PBX2: variants seen among roughly 807,000 people sequenced by gnomAD.
The protein encoded by PBX2 is PBX homeobox 2, also known as pre-B-cell leukemia transcription factor 2.
Under a neutral mutation model 46.5 loss-of-function variants are expected in PBX2, and 10 were observed. The observed-to-expected ratio is 0.21, with a 90% CI of 0.13 to 0.36. The LOEUF is 0.36. Ranked by LOEUF, PBX2 falls within the 10% of genes least tolerant of loss-of-function variation. The pLI is 1.00. For synonymous variants in PBX2, 160 were observed against 222.5 expected (o/e 0.72, Z 2.50); for missense variants, 392 against 580.5 (o/e 0.68, Z 3.34).
chr6:32,189,034 G>A lies in PBX2; in HGVS notation c.222-238C>T, dbSNP rs1034918132. 28 of 551,938 alleles carry A rather than the reference G, an allele frequency of 5.1e-5. No individual in the cohort carries two copies. The South Asian group carries it at 5.5e-4, about 11-fold the overall frequency. The allele number at this position is 551,938 out of a possible 1,614,324, so 34.2% of individuals were successfully genotyped here. On this transcript the variant is annotated intron_variant, in intron 1 of 8. Transcript: ENST00000375050. The surrounding 1 kb of genome is among the most constrained non-coding windows in gnomAD (Gnocchi z 4.7). ...ATGCAGGCAGCAGGTTAAAGGCTGC[G>A]GGCTTTGGGAGATGGTCTAGAAAGG...
Position 32,188,846 on chromosome 6 carries a change from A to G in PBX2, c.222-50T>C. ...AGAGAAAAGTTGAGGAGCTAGAGAAACAGAGCAGGGGGCCTGAGAACAAGG... is the reference window on the plus strand; with the variant it reads ...AGAGAAAAGTTGAGGAGCTAGAGAAGCAGAGCAGGGGGCCTGAGAACAAGG... On this transcript the variant is annotated intron_variant, in intron 1 of 8. Coordinates refer to ENST00000375050, the MANE Select transcript of PBX2 (RefSeq NM_002586.5). The surrounding 1 kb of genome is among the most constrained non-coding windows in gnomAD (Gnocchi z 6.5). The G allele has an allele frequency of 6.5e-7, 1 of 1,532,238 alleles. No homozygotes were observed. The allele number at this position is 1,532,238 out of a possible 1,614,324, so 94.9% of individuals were successfully genotyped here. A position where few individuals can be genotyped will look rare whatever the true frequency, so the allele number is the denominator to read the frequency against.
rs114902592 is a variant in PBX2, at chr6:32,189,118, G to T, written c.222-322C>A. 3 of 471,620 alleles carry T rather than the reference G, an allele frequency of 6.4e-6. No individual in the cohort carries two copies. The highest frequency in any genetic ancestry group is 7.7e-6 in the Non-Finnish European group (2 of 259,462). The allele number at this position is 471,620 out of a possible 1,614,324, so 29.2% of individuals were successfully genotyped here. The stretch of plus-strand genomic sequence containing the variant: ...GAAAGTGACTTGGTAGGTTTCAGAG[G>T]GAGAGAGACAGAGGCTGGGGTTGAG... On this transcript the variant is annotated intron_variant, in intron 1 of 8. Transcript: ENST00000375050. This position sits in a 1 kb window ranked among gnomAD's most constrained non-coding sequence, Gnocchi z 4.7.
rs1199726780 is a variant in PBX2 at position 32,190,169 on chromosome 6, G to C, written c.-254C>G. The C allele has an allele frequency of 1.9e-5, 7 of 362,450 alleles. No individual in the cohort carries two copies. Among genetic ancestry groups the C allele is most frequent in the South Asian group, 1.4e-4 (2 of 14,774 alleles). The allele number at this position is 362,450 out of a possible 1,614,324, so 22.5% of individuals were successfully genotyped here. On this transcript the variant is annotated 5_prime_UTR_variant, in exon 1 of 9. Transcript: ENST00000375050. ...CGGAGAGAGAGAGGAGGCCCAAGCG[G>C]GGGTGTGTGTGAGAGAGAGGGAGGA...
At position 32,186,405 on chromosome 6, in the gene PBX2, C is replaced by T; in HGVS notation, c.1270G>A (p.Val424Ile). The T allele has an allele frequency of 1.9e-6, 3 of 1,609,120 alleles. No homozygotes were observed. In the South Asian group the frequency reaches 3.3e-5, roughly 18 times the overall value. The change falls in exon 9 of 9, where the codon GTT becomes ATT. Residue 424 changes from valine to isoleucine, a missense_variant. Physicochemically the swap from Val to Ile is conservative, Grantham distance 29 (BLOSUM62 3). This residue lies in a region of PBX2 where 116 missense variants were observed against 157.9 expected (regional missense o/e 0.73). Coordinates refer to ENST00000375050, the MANE Select transcript of PBX2 (RefSeq NM_002586.5). This position sits in a 1 kb window ranked among gnomAD's most constrained non-coding sequence, Gnocchi z 4.2. ...VTSPTEGPGS[V>I]HSDTSN ...GATCAGTTGGAGGTATCAGAGTGAA[C>T]ACTCCCTGGTCCCTCCGTTGGGGAT...
chr6:32,188,616 C>T lies in PBX2; in HGVS notation c.295+107G>A, dbSNP rs1787252913. On this transcript the variant is annotated intron_variant, in intron 2 of 8. Transcript: ENST00000375050. This position sits in a 1 kb window ranked among gnomAD's most constrained non-coding sequence, Gnocchi z 6.5. ...CCCAGGCTTTGGTTCCTTCCCCAGTCCCCCTGACTCCTTACTTTCCTCAGG... is the reference window on the plus strand; with the variant it reads ...CCCAGGCTTTGGTTCCTTCCCCAGTTCCCCTGACTCCTTACTTTCCTCAGG... 1 of 1,570,094 alleles carries T rather than the reference C, an allele frequency of 6.4e-7. No homozygotes were observed. Among genetic ancestry groups the T allele is most frequent in the Non-Finnish European group, 8.7e-7 (1 of 1,147,836 alleles).
At position 32,186,864 on chromosome 6, in the gene PBX2, G is replaced by A; in HGVS notation, c.1062C>T (p.Asp354=). ...GGSFNLSGSG[D]MFLGMPGLNG... is the part of the protein sequence containing the mutation. ...TGAGCCCAGGCATCCCCAGAAACAT[G>A]TCTCCAGATCCTGAGAGATTGAAAG... Residue 354 remains aspartate (D), a synonymous_variant, in exon 7 of 9, where the codon GAC becomes GAT. Coordinates refer to ENST00000375050, the MANE Select transcript of PBX2 (RefSeq NM_002586.5). The surrounding 1 kb of genome is among the most constrained non-coding windows in gnomAD (Gnocchi z 4.2). 1 of 1,614,108 alleles carries A rather than the reference G, an allele frequency of 6.2e-7. No homozygotes were observed.
chr6:32,190,119 C>G lies in PBX2; in HGVS notation c.-204G>C, dbSNP rs1306695287. On this transcript the variant is annotated 5_prime_UTR_variant, in exon 1 of 9. Transcript: ENST00000375050. ...CTGGGCCCCCCACAGGAGACCCCGG[C>G]CCCCGGCGGCGGAGAAAATGGAGCC... 1 of 414,144 alleles carries G rather than the reference C, an allele frequency of 2.4e-6. No individual in the cohort carries two copies. The highest frequency in any genetic ancestry group is 2.1e-5 in the African/African-American group (1 of 48,292). 25.7% of individuals were successfully genotyped at this position (414,144 alleles called of 1,614,324 possible). A position where few individuals can be genotyped will look rare whatever the true frequency, so the allele number is the denominator to read the frequency against.
chr6:32,188,682 T>A lies in PBX2; in HGVS notation c.295+41A>T. The A allele has an allele frequency of 6.3e-7, 1 of 1,598,674 alleles. No homozygotes were observed. Among genetic ancestry groups the A allele is most frequent in the Non-Finnish European group, 8.6e-7 (1 of 1,166,964 alleles). Reference sequence around the variant, plus strand: ...ACTCTAGCCCTATAATGAACAGGGTTCTGTTCCCAGAGTTGAGCAATCCGG... The same window carrying A: ...ACTCTAGCCCTATAATGAACAGGGTACTGTTCCCAGAGTTGAGCAATCCGG... On this transcript the variant is annotated intron_variant, in intron 2 of 8. Coordinates refer to ENST00000375050, the MANE Select transcript of PBX2 (RefSeq NM_002586.5). The surrounding 1 kb of genome is among the most constrained non-coding windows in gnomAD (Gnocchi z 6.5).
chr6:32,186,556 C>G lies in PBX2; in HGVS notation c.1200+48G>C. The G allele has an allele frequency of 6.4e-7, 1 of 1,573,196 alleles. No individual in the cohort carries two copies. The highest frequency in any genetic ancestry group is 8.8e-7 in the Non-Finnish European group (1 of 1,142,792). ...CACAACATTACTAGGGAAAATGCCC[C>G]TCTGTCCTGTGAGAACTGGACAGAG... On this transcript the variant is annotated intron_variant, in intron 8 of 8. Transcript: ENST00000375050. This position sits in a 1 kb window ranked among gnomAD's most constrained non-coding sequence, Gnocchi z 4.2.
At position 32,186,749 on chromosome 6, in the gene PBX2, G is replaced by A; in HGVS notation, c.1114-59C>T. 2 of 1,592,414 alleles carry A rather than the reference G, an allele frequency of 1.3e-6. No homozygotes were observed. Among genetic ancestry groups the A allele is most frequent in the Non-Finnish European group, 1.7e-6 (2 of 1,160,186 alleles). On this transcript the variant is annotated intron_variant, in intron 7 of 8. Coordinates refer to ENST00000375050, the MANE Select transcript of PBX2 (RefSeq NM_002586.5). This position sits in a 1 kb window ranked among gnomAD's most constrained non-coding sequence, Gnocchi z 4.2. ...AGAAGCCTCAGAGGAAAGAGGTCTT[G>A]TATCCTAAAGTAGAGGAAATGGAGT...
rs1378359406 is a variant in PBX2 at position 32,187,307 on chromosome 6, G to T, written c.959C>A (p.Thr320Asn). 2 of 1,613,102 alleles carry T rather than the reference G, an allele frequency of 1.2e-6. No individual in the cohort carries two copies. The highest frequency in any genetic ancestry group is 2.2e-5 in the South Asian group (2 of 91,088). ...QEEANIYAVK[T>N]AVSVTQGGHS... ...GCCCCCCTGGGTGACTGACACGGCG[G>T]TCTTGACAGCATAGATGTTTGCCTC... The change falls in exon 6 of 9, where the codon ACC becomes AAC. Residue 320 changes from threonine (T) to asparagine (N), a missense_variant. By Grantham distance (65) the Thr-to-Asn change is moderately conservative. This residue lies in a region of PBX2 where 116 missense variants were observed against 157.9 expected (regional missense o/e 0.73). Coordinates refer to ENST00000375050, the MANE Select transcript of PBX2 (RefSeq NM_002586.5). This position sits in a 1 kb window ranked among gnomAD's most constrained non-coding sequence, Gnocchi z 7.7.
Position 32,188,904 on chromosome 6 carries a change from C to G in PBX2, c.222-108G>C. The G allele has an allele frequency of 2.2e-6, 2 of 900,186 alleles. No homozygotes were observed. Among genetic ancestry groups the G allele is most frequent in the Admixed American group, 1.8e-5 (1 of 54,438 alleles). 55.8% of individuals were successfully genotyped at this position (900,186 alleles called of 1,614,324 possible). On this transcript the variant is annotated intron_variant, in intron 1 of 8. Coordinates refer to ENST00000375050, the MANE Select transcript of PBX2 (RefSeq NM_002586.5). The surrounding 1 kb of genome is among the most constrained non-coding windows in gnomAD (Gnocchi z 6.5). ...AGGGTCAGTCTGCGGAGGGAGGAAG[C>G]GGATTGGGGGTGGAATGAGTTGGGG...
In PBX2 at chr6:32,187,060, G is replaced by A. The variant is rs1561892343; in HGVS notation, c.1025-159C>T. The A allele has an allele frequency of 9.8e-7, 1 of 1,023,660 alleles. No homozygotes were observed. The highest frequency in any genetic ancestry group is 1.6e-5 in the South Asian group (1 of 64,202). 63.4% of individuals were successfully genotyped at this position (1,023,660 alleles called of 1,614,324 possible). A position where few individuals can be genotyped will look rare whatever the true frequency, so the allele number is the denominator to read the frequency against. ...GCAGGCTGTTCCTTGGCCACCCGTG[G>A]GAAGAAAGGCAGAACTAAGATCACT... On this transcript the variant is annotated intron_variant, in intron 6 of 8. Coordinates refer to ENST00000375050, the MANE Select transcript of PBX2 (RefSeq NM_002586.5). This position sits in a 1 kb window ranked among gnomAD's most constrained non-coding sequence, Gnocchi z 7.7.
rs540119886 is a variant in PBX2 at position 32,188,708 on chromosome 6, G to T, written c.295+15C>A. The T allele has an allele frequency of 2.5e-6, 4 of 1,612,280 alleles. No homozygotes were observed. The highest frequency in any genetic ancestry group is 2.7e-5 in the African/African-American group (2 of 75,006). On this transcript the variant is annotated intron_variant, in intron 2 of 8. Transcript: ENST00000375050. The surrounding 1 kb of genome is among the most constrained non-coding windows in gnomAD (Gnocchi z 6.5). The stretch of plus-strand genomic sequence containing the variant: ...CTGTTCCCAGAGTTGAGCAATCCGG[G>T]GGGGGCCCACATACCAGTTTTCTCC...
chr6:32,186,626 A>C lies in PBX2; in HGVS notation c.1178T>G (p.Met393Arg). Residue 393 changes from methionine (M) to arginine (R), a missense_variant, in exon 8 of 9, where the codon ATG becomes AGG. By Grantham distance (91) the Met-to-Arg change is moderately conservative. Transcript: ENST00000375050. The surrounding 1 kb of genome is among the most constrained non-coding windows in gnomAD (Gnocchi z 4.2). Reference protein sequence around the residue: ...GYGDNLGGGQMYSPREMRANG... With the variant: ...GYGDNLGGGQRYSPREMRANG... ...CACCCTCATTTCCCGTGGGCTGTACATCTGGCCTCCCCCGAGGTTATCCCC... is the reference window on the plus strand; with the variant it reads ...CACCCTCATTTCCCGTGGGCTGTACCTCTGGCCTCCCCCGAGGTTATCCCC... The C allele has an allele frequency of 6.2e-7, 1 of 1,612,234 alleles. No individual in the cohort carries two copies. Among genetic ancestry groups the C allele is most frequent in the South Asian group, 1.1e-5 (1 of 91,040 alleles).
chr6:32,188,121 C>T lies in PBX2; in HGVS notation c.579G>A (p.Leu193=), dbSNP rs1191778842. The change falls in exon 4 of 9, where the codon CTG becomes CTA. Residue 193 remains leucine (L), a synonymous_variant. Transcript: ENST00000375050. The surrounding 1 kb of genome is among the most constrained non-coding windows in gnomAD (Gnocchi z 6.5). ...CNEFTTHVMN[L]LREQSRTRPV... is the part of the protein sequence containing the mutation. ...GCCTGGTGCGGCTCTGCTCCCTCAG[C>T]AGGTTCATGACATGGGTCGTGAACT... The T allele has an allele frequency of 1.3e-6, 2 of 1,588,934 alleles. No homozygotes were observed. The highest frequency in any genetic ancestry group is 1.7e-6 in the Non-Finnish European group (2 of 1,165,004).
At position 32,185,653 on chromosome 6, in the gene PBX2, AC is replaced by A. The variant is rs1787039500; in HGVS notation, c.*728del. 1.3e-5 allele frequency: 2 copies of A among 150,892 alleles called. No individual in the cohort carries two copies. Among genetic ancestry groups the A allele is most frequent in the African/African-American group, 5.0e-5 (2 of 40,236 alleles). 9.3% of individuals were successfully genotyped at this position (150,892 alleles called of 1,614,324 possible). A position where few individuals can be genotyped will look rare whatever the true frequency, so the allele number is the denominator to read the frequency against. On this transcript the variant is annotated 3_prime_UTR_variant, in exon 9 of 9. Coordinates refer to ENST00000375050, the MANE Select transcript of PBX2 (RefSeq NM_002586.5). ...ACCAACAACAACAAAAACAACAACA[AC>A]AACAAAAAAAACAGATGGATCCCAG...
chr6:32,188,830 T>C lies in PBX2; in HGVS notation c.222-34A>G, dbSNP rs777745853. On this transcript the variant is annotated intron_variant, in intron 1 of 8. Coordinates refer to ENST00000375050, the MANE Select transcript of PBX2 (RefSeq NM_002586.5). This position sits in a 1 kb window ranked among gnomAD's most constrained non-coding sequence, Gnocchi z 6.5. ...GAGTGGGAGTGGGGAAAGAGAAAAG[T>C]TGAGGAGCTAGAGAAACAGAGCAGG... 8 of 1,593,456 alleles carry C rather than the reference T, an allele frequency of 5.0e-6. No individual in the cohort carries two copies. Among genetic ancestry groups the C allele is most frequent in the Non-Finnish European group, 6.0e-6 (7 of 1,163,068 alleles).
At position 32,187,630 on chromosome 6, in the gene PBX2, C is replaced by A. The variant is rs368574948; in HGVS notation, c.870+17G>T. ...GTGCACTTTGCCTGACAACTCCTCC[C>A]GCAACCTCCATAATACCTGAGACAC... On this transcript the variant is annotated intron_variant, in intron 5 of 8. Coordinates refer to ENST00000375050, the MANE Select transcript of PBX2 (RefSeq NM_002586.5). This position sits in a 1 kb window ranked among gnomAD's most constrained non-coding sequence, Gnocchi z 7.7. The A allele has an allele frequency of 6.3e-7, 1 of 1,580,752 alleles. No individual in the cohort carries two copies.
Sources: gnomAD v4.1 joint callset for allele counts on GRCh38, gnomAD v4.1.1 for gene constraint, gnomAD v4.1.1 regional missense constraint, Gnocchi (gnomAD v3.1) non-coding constraint, MANE v1.5 for transcripts, NCBI Gene and HGNC (gene_info 2026-07-23, HGNC 2026-07-21) for gene names.